REEP3: variants seen among roughly 807,000 people sequenced by gnomAD.
REEP3 encodes the protein receptor expression-enhancing protein 3.
REEP3 carries 20 observed loss-of-function variants against 41.3 expected under a neutral mutation model. That is an observed-to-expected ratio of 0.48 (90% CI 0.34 to 0.70). The LOEUF (loss-of-function observed/expected upper bound fraction) is 0.70, where lower values mean the gene tolerates loss of function less well. REEP3 is among the 30% of genes least tolerant of loss of function. REEP3 has a pLI of 0.01. For missense variants in REEP3, 271 were observed against 308.8 expected (o/e 0.88, Z 0.92); for synonymous variants, 104 against 101.8 (o/e 1.02, Z -0.13).
At chr10:63,618,237 C>CTTTTTTTTT (rs60115766) in intron 6 of REEP3, among the ~76,000 whole-genome samples, 11 of 66,592 alleles carry the variant, frequency 1.7e-4, no homozygotes, top group African/African-American at 2.3e-4. Flanking sequence ...TTTCCTTCTT[C>CTTTTTTTTT]TTTTTTTTTT....
intron 6 of REEP3, among the ~76,000 whole-genome samples, chr10:63,619,216 A>C (rs1956334272): frequency 6.6e-6 from 1 of 152,230 alleles, no homozygotes; most frequent in Non-Finnish European, 1.5e-5. Context: ...TACGACACAT[A>C]GAACGGAAAA....
rs904902569 is a variant in REEP3 at position 63,545,687 on chromosome 10, T to G, written c.33-20651T>G. Among the ~76,000 whole-genome samples the G allele has an allele frequency of 8.6e-5, 12 of 138,798 alleles. No individual in the cohort carries two copies. In the East Asian group the frequency reaches 2.1e-3, roughly 24 times the overall value. 91.1% of individuals were successfully genotyped at this position (138,798 alleles called of 152,430 possible). ...TGCGCCTGGCCAACTTCTGTTTTTT[T>G]TTTTTTTTTTTTTTTTTTGAGATGG... is the stretch of plus-strand genomic sequence containing the variant. On this transcript the variant is annotated intron_variant, in intron 1 of 7. Coordinates refer to ENST00000373758, the MANE Select transcript of REEP3 (RefSeq NM_001001330.3).
rs2619591 is a variant in REEP3 at position 63,624,875 on chromosome 10, T to A, written c.*4006T>A. 1 of 152,118 alleles carries A rather than the reference T, an allele frequency of 6.6e-6. No individual in the cohort carries two copies. Among genetic ancestry groups the A allele is most frequent in the Non-Finnish European group, 1.5e-5 (1 of 67,980 alleles). 9.4% of individuals were successfully genotyped at this position (152,118 alleles called of 1,614,324 possible). ...ATAAAATGTAACACAAAATTCAGAT[T>A]TATGTATCCTGGAAATGTTCTGGGG... On this transcript the variant is annotated 3_prime_UTR_variant, in exon 8 of 8. Coordinates refer to ENST00000373758, the MANE Select transcript of REEP3 (RefSeq NM_001001330.3).
In REEP3 at chr10:63,529,812, C is replaced by T. The variant is rs1041309155; in HGVS notation, c.32+8235C>T. Reference sequence around the variant, plus strand: ...TTTTTTGAGACTGAGGAGTTTTGCTCTTGTTGCCCAGGCTGGAGTGCAATG... The same window carrying T: ...TTTTTTGAGACTGAGGAGTTTTGCTTTTGTTGCCCAGGCTGGAGTGCAATG... On this transcript the variant is annotated intron_variant, in intron 1 of 7. Transcript: ENST00000373758. Among the ~76,000 whole-genome samples, 6 of 146,582 alleles carry T rather than the reference C, an allele frequency of 4.1e-5. No individual in the cohort carries two copies. In the East Asian group the frequency reaches 1.2e-3, roughly 29 times the overall value.
intron 5 of REEP3, 36 bp from the exon 6 acceptor site, chr10:63,610,151 A>G: frequency 6.4e-7 from 1 of 1,563,888 alleles, no homozygotes; most frequent in Non-Finnish European, 8.7e-7. Flanking sequence ...CATACTAAAT[A>G]TTTTTTCTTG....
chr10:63,527,551 C>G (rs755129432), intron 1 of REEP3, among the ~76,000 whole-genome samples: 1 of 151,812 alleles, frequency 6.6e-6, no homozygotes, highest in Non-Finnish European at 1.5e-5. Flanking sequence ...CGTGGTGGTA[C>G]ATGCCTGTAA....
At chr10:63,528,261 C>G (rs565554918) in intron 1 of REEP3, among the ~76,000 whole-genome samples, 13 of 152,174 alleles carry the variant, frequency 8.5e-5, no homozygotes, top group Non-Finnish European at 1.6e-4. Flanking sequence ...CTTCCTTCCC[C>G]ATCTGGCTCC....
At chr10:63,578,352 C>A (rs1358403943) in intron 2 of REEP3, among the ~76,000 whole-genome samples, 1 of 152,190 alleles carries the variant, frequency 6.6e-6, no homozygotes, top group Admixed American at 6.5e-5. Flanking sequence ...CCTGCCTCAG[C>A]CTCCCAAAGT....
At chr10:63,616,558 G>A (rs1179710809) in intron 6 of REEP3, among the ~76,000 whole-genome samples, 2 of 151,858 alleles carry the variant, frequency 1.3e-5, no homozygotes, top group Admixed American at 6.6e-5. Context: ...GCTGGAATTA[G>A]GAAAAAAGAA....
chr10:63,542,129 G>T (rs1955534621), intron 1 of REEP3, among the ~76,000 whole-genome samples: 2 of 149,908 alleles, frequency 1.3e-5, no homozygotes, highest in Non-Finnish European at 3.0e-5. Context: ...GCCCAGGCTG[G>T]GGTGCAGTGG....
chr10:63,530,957 A>C (rs888329112), intron 1 of REEP3, among the ~76,000 whole-genome samples: 20 of 152,380 alleles, frequency 1.3e-4, no homozygotes, highest in African/African-American at 4.8e-4. Flanking sequence ...TGAGAGGTTA[A>C]AGATAAAAAT....
At chr10:63,615,045 A>G (rs1956301867) in intron 6 of REEP3, among the ~76,000 whole-genome samples, 1 of 152,218 alleles carries the variant, frequency 6.6e-6, no homozygotes, top group Non-Finnish European at 1.5e-5. Context: ...ATGTCAGTCT[A>G]TACTTAATGA....
intron 2 of REEP3, among the ~76,000 whole-genome samples, chr10:63,576,389 A>G (rs1955898836): frequency 6.6e-6 from 1 of 152,162 alleles, no homozygotes. Context: ...ACTCCCTCAG[A>G]AACCTGTTGA....
intron 1 of REEP3, among the ~76,000 whole-genome samples, chr10:63,527,967 T>C (rs1461976510): frequency 7.5e-6 from 1 of 132,524 alleles, no homozygotes; most frequent in African/African-American, 2.8e-5. Flanking sequence ...TTTTTTTTTT[T>C]GTTTTTGTAA....
At chr10:63,558,370 G>A (rs1211508849) in intron 1 of REEP3, among the ~76,000 whole-genome samples, 1 of 152,206 alleles carries the variant, frequency 6.6e-6, no homozygotes, top group Admixed American at 6.5e-5. Context: ...TCACAAGAAG[G>A]AGGAGTAGCA....
intron 1 of REEP3, among the ~76,000 whole-genome samples, chr10:63,531,361 C>T (rs761581828): frequency 3.3e-5 from 5 of 152,188 alleles, no homozygotes; most frequent in Admixed American, 6.5e-5. Flanking sequence ...CTCTCCTGTG[C>T]ATTGTGGGAT....
intron 1 of REEP3, among the ~76,000 whole-genome samples, chr10:63,528,450 C>G (rs1311830558): frequency 6.6e-6 from 1 of 152,196 alleles, no homozygotes; most frequent in Non-Finnish European, 1.5e-5. Context: ...TTACATACAC[C>G]ATTCTAGTCC....
chr10:63,580,715 C>T lies in REEP3; in HGVS notation c.106-14063C>T, dbSNP rs371657606. Among the ~76,000 whole-genome samples the T allele has an allele frequency of 4.6e-5, 7 of 152,126 alleles. No individual in the cohort carries two copies. The South Asian group carries it at 1.2e-3, about 27-fold the overall frequency. The stretch of plus-strand genomic sequence containing the variant: ...AGTGACATAGAAAATATTAAACTAC[C>T]TATAATTTTTATTAAAAAATGGGCC... On this transcript the variant is annotated intron_variant, in intron 2 of 7. Transcript: ENST00000373758.
At chr10:63,542,332 T>A (rs753556244) in intron 1 of REEP3, among the ~76,000 whole-genome samples, 8 of 152,140 alleles carry the variant, frequency 5.3e-5, no homozygotes, top group Non-Finnish European at 1.0e-4. Context: ...CGCCTCTGTC[T>A]CCCAAAGTGC....
Sources: gnomAD v4.1 joint callset for allele counts (sites outside exome capture counted in the v4.1 genomes callset) on GRCh38, gnomAD v4.1.1 for gene constraint, MANE v1.5 for transcripts, NCBI Gene and HGNC (gene_info 2026-07-23, HGNC 2026-07-21) for gene names.